The following KCTD9 variants were observed in gnomAD, a reference collection of about 807,000 sequenced individuals.
KCTD9 encodes the protein potassium channel tetramerization domain containing 9.
In KCTD9, 17 loss-of-function variants were observed where a neutral mutation model predicts 53.3. The observed-to-expected ratio is 0.32, with a 90% CI of 0.22 to 0.48. The LOEUF is 0.48. Ranked by LOEUF, KCTD9 falls within the 20% of genes least tolerant of loss-of-function variation. The pLI, the probability that KCTD9 is intolerant of heterozygous loss-of-function variation, is 0.99. For synonymous variants in KCTD9, 128 were observed against 162.7 expected, an observed-to-expected ratio of 0.79 and a Z score of 1.62; for missense variants, 179 against 465.5, an observed-to-expected ratio of 0.38 and a Z score of 5.66.
At chr8:25,434,963 T>G (rs1434151628) in intron 9 of KCTD9, among the ~76,000 whole-genome samples, 2 of 152,222 alleles carry the variant, frequency 1.3e-5, no homozygotes, top group African/African-American at 4.8e-5. Context: ...TATTTCAAAA[T>G]ATCTGTCAAA....
In KCTD9 at chr8:25,428,760, T is replaced by G. The variant is rs2117378086; in HGVS notation, c.*1097A>C. Reference sequence around the variant, plus strand: ...ATGCCTTTATTTTTACGTCTATTTTTTTGGTGGCTGTAATCAAATGTGTGT... The same window carrying G: ...ATGCCTTTATTTTTACGTCTATTTTGTTGGTGGCTGTAATCAAATGTGTGT... On this transcript the variant is annotated 3_prime_UTR_variant, in exon 12 of 12. Transcript: ENST00000221200. 1 of 152,320 alleles carries G rather than the reference T, an allele frequency of 6.6e-6. No individual in the cohort carries two copies. Among genetic ancestry groups the G allele is most frequent in the East Asian group, 1.9e-4 (1 of 5,192 alleles). The allele number at this position is 152,320 out of a possible 1,614,324, so 9.4% of individuals were successfully genotyped here.
chr8:25,457,906 G>T (rs1802495647), intron 1 of KCTD9, among the ~76,000 whole-genome samples: 1 of 145,100 alleles, frequency 6.9e-6, no homozygotes, highest in Admixed American at 6.8e-5. Context: ...GGCCCTCCCC[G>T]CGCCCCCGTC....
chr8:25,444,396 T>C (rs1802177651), intron 2 of KCTD9, 61 bp from the exon 3 acceptor site: 2 of 1,466,454 alleles, frequency 1.4e-6, no homozygotes, highest in South Asian at 2.4e-5. Flanking sequence ...TAATTATCTG[T>C]TGCTTATAGG....
At chr8:25,444,540 C>G (rs1802181147) in intron 2 of KCTD9, among the ~76,000 whole-genome samples, 1 of 152,080 alleles carries the variant, frequency 6.6e-6, no homozygotes, top group Non-Finnish European at 1.5e-5. Context: ...TAAGATCTTG[C>G]ACATGAAAGT....
chr8:25,452,253 A>G (rs1802338733), intron 1 of KCTD9, among the ~76,000 whole-genome samples: 1 of 152,226 alleles, frequency 6.6e-6, no homozygotes, highest in South Asian at 2.1e-4. Context: ...AAGGTGAAAA[A>G]AGAAAATTTT....
intron 2 of KCTD9, among the ~76,000 whole-genome samples, chr8:25,444,932 T>C (rs1025128663): frequency 1.3e-5 from 2 of 152,192 alleles, no homozygotes; most frequent in South Asian, 4.1e-4. Context: ...AGATATCTTA[T>C]AGCTCAGAAG....
chr8:25,432,710 G>T, intron 10 of KCTD9, 73 bp from the exon 11 acceptor site: 1 of 1,342,326 alleles, frequency 7.4e-7, no homozygotes, highest in East Asian at 2.5e-5. Context: ...ACTGCAAGAT[G>T]ACTTAATGGA....
Position 25,435,509 on chromosome 8 carries a change from A to G in KCTD9, c.667T>C (p.Leu223=). 6.3e-7 allele frequency: 1 copy of G among 1,599,904 alleles called. No individual in the cohort carries two copies. The highest frequency in any genetic ancestry group is 8.5e-7 in the Non-Finnish European group (1 of 1,174,678). The change falls in exon 9 of 12, where the codon TTG becomes CTG. Residue 223 remains leucine, a synonymous_variant. Transcript: ENST00000221200. ...PTKSELRCQG[L]NFSGADLSRL... ...GAAAGATCAGCACCACTGAAGTTCA[A>G]ACCCTGAAATAAAAAAGCACAAATT...
At chr8:25,443,237 C>T (rs983846870) in intron 3 of KCTD9, among the ~76,000 whole-genome samples, 9 of 124,772 alleles carry the variant, frequency 7.2e-5, no homozygotes, top group African/African-American at 2.4e-4. Flanking sequence ...ATGACACTTC[C>T]CACTAAAAAA....
chr8:25,437,178 C>T, intron 6 of KCTD9, among the ~76,000 whole-genome samples: 1 of 152,190 alleles, frequency 6.6e-6, no homozygotes, highest in Non-Finnish European at 1.5e-5. Context: ...GTCCACATTT[C>T]CCCTTCAAGA....
At chr8:25,452,488 C>G (rs562058294) in intron 1 of KCTD9, among the ~76,000 whole-genome samples, 2 of 152,344 alleles carry the variant, frequency 1.3e-5, no homozygotes, top group East Asian at 1.9e-4. Flanking sequence ...TCACCTGCAG[C>G]ATCTGAACCA....
At chr8:25,444,458 G>T in intron 2 of KCTD9, 123 bp from the exon 3 acceptor site, 2 of 817,226 alleles carry the variant, frequency 2.4e-6, no homozygotes, top group Non-Finnish European at 3.8e-6. Context: ...AATCTAGACT[G>T]CAAAGAAGCT....
intron 1 of KCTD9, among the ~76,000 whole-genome samples, chr8:25,456,378 T>C (rs1802434179): frequency 1.3e-5 from 2 of 152,226 alleles, no homozygotes; most frequent in Non-Finnish European, 2.9e-5. Flanking sequence ...TCACTTTATA[T>C]ATAAAAATGC....
In KCTD9 at chr8:25,438,039, G is replaced by A. The variant is rs138059151; in HGVS notation, c.499+1240C>T. Reference sequence around the variant, plus strand: ...AACTGAAAACAATGCTTTATAAAATGAATCCAGCAGAGAGCTCTGCTTTTT... The same window carrying A: ...AACTGAAAACAATGCTTTATAAAATAAATCCAGCAGAGAGCTCTGCTTTTT... On this transcript the variant is annotated intron_variant, in intron 6 of 11. Transcript: ENST00000221200. 2.4e-3 allele frequency among the ~76,000 whole-genome samples: 358 copies of A among 152,160 alleles called. 3 individuals carry two copies. The highest frequency in any genetic ancestry group is 8.4e-3 in the African/African-American group (348 of 41,514).
At chr8:25,447,668 A>C (rs1233635719) in intron 1 of KCTD9, among the ~76,000 whole-genome samples, 1 of 152,236 alleles carries the variant, frequency 6.6e-6, no homozygotes, top group African/African-American at 2.4e-5. Flanking sequence ...CAGAAGGATG[A>C]AAGCCAGAAG....
chr8:25,455,855 G>C (rs1025232874), intron 1 of KCTD9, among the ~76,000 whole-genome samples: 2 of 152,092 alleles, frequency 1.3e-5, no homozygotes, highest in African/African-American at 2.4e-5. Flanking sequence ...TTTCTAGATC[G>C]GAAAAATCAA....
Position 25,444,311 on chromosome 8 carries a change from A to G in KCTD9, c.195T>C (p.Cys65=). 6.2e-7 allele frequency: 1 copy of G among 1,603,866 alleles called. No homozygotes were observed. The highest frequency in any genetic ancestry group is 8.5e-7 in the Non-Finnish European group (1 of 1,177,818). The change falls in exon 3 of 12, where the codon TGT becomes TGC. Residue 65 remains cysteine, a synonymous_variant. Coordinates refer to ENST00000221200, the MANE Select transcript of KCTD9 (RefSeq NM_017634.4). ...ACTTACCAATAAATGGCTCTCCTTCACAAACAAACAAAACATCATCATCCC... is the reference window on the plus strand; with the variant it reads ...ACTTACCAATAAATGGCTCTCCTTCGCAAACAAACAAAACATCATCATCCC... ...LIRDDDVLFV[C]EGEPFIDPQT...
chr8:25,437,627 G>A (rs193162208), intron 6 of KCTD9, among the ~76,000 whole-genome samples: 143 of 152,026 alleles, frequency 9.4e-4, no homozygotes, highest in African/African-American at 2.9e-3. Flanking sequence ...ACAGTGAGCC[G>A]AGATCGCGCC....
intron 10 of KCTD9, among the ~76,000 whole-genome samples, chr8:25,433,079 T>C (rs1452447073): frequency 6.6e-6 from 1 of 152,232 alleles, no homozygotes; most frequent in African/African-American, 2.4e-5. Context: ...AAGATGTTGA[T>C]ATTTAATTTT....
Sources: allele counts gnomAD v4.1 joint callset (sites outside exome capture counted in the v4.1 genomes callset), GRCh38; gene constraint gnomAD v4.1.1; transcripts MANE v1.5; gene names NCBI Gene and HGNC (gene_info 2026-07-23, HGNC 2026-07-21).